Variants in ARHGAP26 observed in about 807,000 individuals in gnomAD.
ARHGAP26 encodes Rho GTPase activating protein 26.
ARHGAP26 carries 38 observed loss-of-function variants against 104.8 expected under a neutral mutation model. The ratio of observed to expected loss-of-function variants is 0.36; its 90% CI spans 0.28 to 0.48. The LOEUF is 0.48. Ranked by LOEUF, ARHGAP26 falls within the 20% of genes least tolerant of loss-of-function variation. The pLI is 0.99. For synonymous variants in ARHGAP26, 341 were observed against 340.0 expected (o/e 1.00, Z -0.03); for missense variants, 704 against 947.9 (o/e 0.74, Z 3.38).
intron 17 of ARHGAP26, among the ~76,000 whole-genome samples, chr5:143,061,706 C>T (rs1049064635): frequency 1.3e-5 from 2 of 152,152 alleles, no homozygotes; most frequent in African/African-American, 4.8e-5. Flanking sequence ...AGAATCTGTC[C>T]TGAGAGTTGG....
intron 1 of ARHGAP26, among the ~76,000 whole-genome samples, chr5:142,844,542 T>C (rs909022399): frequency 7.9e-5 from 12 of 152,238 alleles, no homozygotes; most frequent in Admixed American, 5.9e-4. Context: ...GGCCAGGACC[T>C]TCTAGAGCTC....
At chr5:143,213,187 T>C (rs35524868) in intron 21 of ARHGAP26, among the ~76,000 whole-genome samples, 58,000 of 152,094 alleles carry the variant, frequency 0.38, 13,370 homozygotes, top group African/African-American at 0.65. Flanking sequence ...AATATCTGCA[T>C]ATCTGGGTAG....
chr5:143,017,378 T>TA (rs1433475867), intron 12 of ARHGAP26, among the ~76,000 whole-genome samples: 1 of 152,194 alleles, frequency 6.6e-6, no homozygotes, highest in Non-Finnish European at 1.5e-5. Context: ...AGCTGATAAA[T>TA]ATATGTACAT....
chr5:143,095,556 C>T (rs1490655522), intron 17 of ARHGAP26, among the ~76,000 whole-genome samples: 2 of 152,216 alleles, frequency 1.3e-5, no homozygotes, highest in East Asian at 3.9e-4. Flanking sequence ...TGTAAATCTC[C>T]TTAATGTCTG....
chr5:142,929,400 G>T (rs1764395772), intron 10 of ARHGAP26, among the ~76,000 whole-genome samples: 1 of 152,202 alleles, frequency 6.6e-6, no homozygotes, highest in Admixed American at 6.5e-5. Context: ...GAGGGTCGTT[G>T]AGGGTTTTGC....
intron 17 of ARHGAP26, among the ~76,000 whole-genome samples, chr5:143,102,564 G>T (rs1016429860): frequency 6.6e-6 from 1 of 152,222 alleles, no homozygotes; most frequent in Non-Finnish European, 1.5e-5. Flanking sequence ...ACAATTAAAA[G>T]TTGGCGTTTG....
chr5:142,790,504 A>G (rs994755578), intron 1 of ARHGAP26, among the ~76,000 whole-genome samples: 5 of 152,196 alleles, frequency 3.3e-5, no homozygotes, highest in African/African-American at 1.2e-4. Context: ...CCAATATTTT[A>G]GAAGTCATAA....
chr5:143,165,941 G>A, intron 20 of ARHGAP26: 1 of 919,178 alleles, frequency 1.1e-6, no homozygotes, highest in Non-Finnish European at 1.5e-6. Flanking sequence ...AGTTCATGTA[G>A]AGCACTTTGC....
At chr5:142,887,360 T>C (rs1178460912) in intron 5 of ARHGAP26, among the ~76,000 whole-genome samples, 1 of 152,234 alleles carries the variant, frequency 6.6e-6, no homozygotes, top group Non-Finnish European at 1.5e-5. Context: ...TTTATTTCCT[T>C]TATTTGTTAA....
intron 21 of ARHGAP26, 110 bp from the exon 22 acceptor site, chr5:143,213,887 A>C: frequency 1.6e-6 from 1 of 607,968 alleles, no homozygotes. Flanking sequence ...GGCACTTCCC[A>C]CGAGAGGGGA....
chr5:143,038,684 CTTTTTTTTTT>C (rs60428049), intron 13 of ARHGAP26, among the ~76,000 whole-genome samples: 8 of 64,434 alleles, frequency 1.2e-4, no homozygotes, highest in East Asian at 6.3e-4. Flanking sequence ...GACATACGGC[CTTTTTTTTTT>C]TTTTTTTTTT....
In ARHGAP26 at chr5:142,942,911, C is replaced by A. The variant is rs139803583; in HGVS notation, c.1107+10786C>A. 1.7e-4 allele frequency among the ~76,000 whole-genome samples: 26 copies of A among 152,264 alleles called. No individual in the cohort carries two copies. In the East Asian group the frequency reaches 4.8e-3, roughly 28 times the overall value. ...TTTTCCTGCCTCAGCCTCTGAGTAGCTGGTATTACAGGCACGTGCCACCAC... is the reference window on the plus strand; with the variant it reads ...TTTTCCTGCCTCAGCCTCTGAGTAGATGGTATTACAGGCACGTGCCACCAC... On this transcript the variant is annotated intron_variant, in intron 11 of 22. Coordinates refer to ENST00000645722, the MANE Select transcript of ARHGAP26 (RefSeq NM_001135608.3).
intron 20 of ARHGAP26, among the ~76,000 whole-genome samples, chr5:143,159,747 G>A (rs1288770667): frequency 6.6e-6 from 1 of 152,090 alleles, no homozygotes; most frequent in Non-Finnish European, 1.5e-5. Flanking sequence ...AAGAATCCAG[G>A]GATATAGACA....
At chr5:143,082,746 T>C (rs1790002172) in intron 17 of ARHGAP26, among the ~76,000 whole-genome samples, 1 of 152,274 alleles carries the variant, frequency 6.6e-6, no homozygotes, top group African/African-American at 2.4e-5. Flanking sequence ...TAGCTCACTT[T>C]AGACATACCT....
intron 12 of ARHGAP26, among the ~76,000 whole-genome samples, chr5:143,021,530 A>G (rs1480426049): frequency 6.6e-6 from 1 of 152,216 alleles, no homozygotes; most frequent in Non-Finnish European, 1.5e-5. Context: ...AGATTCCGCC[A>G]CGTGGATTAG....
At chr5:143,055,203 TAAAAG>T (rs1374832454) in intron 15 of ARHGAP26, among the ~76,000 whole-genome samples, 1 of 152,144 alleles carries the variant, frequency 6.6e-6, no homozygotes, top group Non-Finnish European at 1.5e-5. Flanking sequence ...GACCTAGTCT[TAAAAG>T]GAGAGGGGAA....
chr5:142,875,040 G>A (rs1755881649), intron 2 of ARHGAP26, 70 bp from the exon 3 acceptor site: 2 of 1,295,894 alleles, frequency 1.5e-6, no homozygotes, highest in Non-Finnish European at 2.2e-6. Context: ...TAACATAATA[G>A]CCAGAGCTGG....
chr5:143,210,015 C>T (rs1013239588), intron 21 of ARHGAP26, among the ~76,000 whole-genome samples: 1 of 152,138 alleles, frequency 6.6e-6, no homozygotes, highest in Non-Finnish European at 1.5e-5. Context: ...CTGAGCAAAG[C>T]CTTTATAAGT....
chr5:143,056,413 CT>C (rs1785827529), intron 16 of ARHGAP26, among the ~76,000 whole-genome samples: 1 of 139,464 alleles, frequency 7.2e-6, no homozygotes, highest in Non-Finnish European at 1.5e-5. Flanking sequence ...GGAGTTCTAA[CT>C]TCTTAGGTTT....
Sources: gnomAD v4.1 joint callset for allele counts (sites outside exome capture counted in the v4.1 genomes callset) on GRCh38, gnomAD v4.1.1 for gene constraint, MANE v1.5 for transcripts, NCBI Gene and HGNC (gene_info 2026-07-23, HGNC 2026-07-21) for gene names.